FBXO42: variants seen among roughly 807,000 people sequenced by gnomAD.
The protein encoded by FBXO42 is F-box only protein 42.
Under a neutral mutation model 71.7 loss-of-function variants are expected in FBXO42, and 12 were observed. That is an observed-to-expected ratio of 0.17 (90% confidence interval 0.11 to 0.27). The LOEUF is 0.27. FBXO42 is among the 10% of genes least tolerant of loss of function. FBXO42 has a pLI of 1.00. For missense variants in FBXO42, 707 were observed against 911.9 expected, an observed-to-expected ratio of 0.78 and a Z score of 2.89; for synonymous variants, 325 against 327.5, an observed-to-expected ratio of 0.99 and a Z score of 0.08.
At chr1:16,335,063 CAAAAAAAAAAAAAA>C (rs55983316) in intron 1 of FBXO42, among the ~76,000 whole-genome samples, 4 of 69,024 alleles carry the variant, frequency 5.8e-5, no homozygotes, top group South Asian at 6.5e-4. Flanking sequence ...CTCGTCTGTA[CAAAAAAAAAAAAAA>C]AAAAAAAAAA....
In FBXO42 at chr1:16,315,143, ATAAACCTTTCTCC is replaced by A; in HGVS notation, c.250+13_250+25del. 1 of 1,563,404 alleles carries A rather than the reference ATAAACCTTTCTCC, an allele frequency of 6.4e-7. No individual in the cohort carries two copies. The highest frequency in any genetic ancestry group is 1.4e-5 in the African/African-American group (1 of 72,952). On this transcript the variant is annotated intron_variant, in intron 2 of 9. Transcript: ENST00000375592. Reference sequence around the variant, plus strand: ...AATCAGTGAAATTTGAAATCAATAAATAAACCTTTCTCCTATCCACAGTACCTTTGATAAGTCG... The same window carrying A: ...AATCAGTGAAATTTGAAATCAATAAATATCCACAGTACCTTTGATAAGTCG...
chr1:16,348,269 T>C (rs998568645), intron 1 of FBXO42, among the ~76,000 whole-genome samples: 1 of 152,028 alleles, frequency 6.6e-6, no homozygotes, highest in South Asian at 2.1e-4. Flanking sequence ...AAATTCGAAG[T>C]TTTTGCAATA....
chr1:16,347,114 T>G (rs1360272474), intron 1 of FBXO42, among the ~76,000 whole-genome samples: 1 of 152,146 alleles, frequency 6.6e-6, no homozygotes, highest in African/African-American at 2.4e-5. Flanking sequence ...CAGATTTATA[T>G]AGTGTACATA....
chr1:16,266,147 A>T (rs1471751377), intron 4 of FBXO42, among the ~76,000 whole-genome samples: 1 of 152,204 alleles, frequency 6.6e-6, no homozygotes, highest in Non-Finnish European at 1.5e-5. Context: ...CCCCACGGAA[A>T]ATGGCTATTT....
At chr1:16,315,603 G>A (rs1298823682) in intron 1 of FBXO42, among the ~76,000 whole-genome samples, 168 bp from the exon 2 acceptor site, 1 of 152,164 alleles carries the variant, frequency 6.6e-6, no homozygotes, top group East Asian at 1.9e-4. Flanking sequence ...GACAGGTACA[G>A]CTCAAATACC....
chr1:16,310,193 C>CAA (rs558283325), intron 2 of FBXO42, among the ~76,000 whole-genome samples: 9,616 of 90,872 alleles, frequency 0.11, 528 homozygotes, highest in Non-Finnish European at 0.16. Flanking sequence ...GACTCCATCT[C>CAA]AAAAAAAAAA....
intron 4 of FBXO42, among the ~76,000 whole-genome samples, chr1:16,265,386 C>T (rs905605514): frequency 2.0e-5 from 3 of 152,002 alleles, no homozygotes; most frequent in Non-Finnish European, 4.4e-5. Flanking sequence ...CTACCGTGCC[C>T]GGCCTAAAAA....
rs565571204 is a variant in FBXO42, at chr1:16,305,997, GTTT to G, written c.251-81_251-79del. On this transcript the variant is annotated intron_variant, in intron 2 of 9. Transcript: ENST00000375592. ...ATTATTAAAACTGTGTCTATTACCTGTTTTTATCATTTTTATACAAGTTTCTTT... is the reference window on the plus strand; with the variant it reads ...ATTATTAAAACTGTGTCTATTACCTGTTATCATTTTTATACAAGTTTCTTT... The G allele has an allele frequency of 6.4e-5, 62 of 969,668 alleles. No homozygotes were observed. The African/African-American group carries it at 9.4e-4, about 15-fold the overall frequency. The allele number at this position is 969,668 out of a possible 1,614,324, so 60.1% of individuals were successfully genotyped here. A position where few individuals can be genotyped will look rare whatever the true frequency, so the allele number is the denominator to read the frequency against.
intron 4 of FBXO42, among the ~76,000 whole-genome samples, chr1:16,265,228 G>A (rs2081758369): frequency 6.6e-6 from 1 of 152,052 alleles, no homozygotes; most frequent in Non-Finnish European, 1.5e-5. Flanking sequence ...CGAGTAGCTG[G>A]GATTACAGGC....
chr1:16,330,367 T>A (rs1468757002), intron 1 of FBXO42, among the ~76,000 whole-genome samples: 2 of 147,288 alleles, frequency 1.4e-5, no homozygotes, highest in Middle Eastern at 3.5e-3. Context: ...ACAAAAAAAA[T>A]TTAAAAATTA....
intron 3 of FBXO42, among the ~76,000 whole-genome samples, chr1:16,304,894 A>G (rs2082233574): frequency 6.6e-6 from 1 of 152,122 alleles, no homozygotes; most frequent in East Asian, 1.9e-4. Context: ...ATTTGAACCC[A>G]AGAGGTGGAG....
At chr1:16,255,908 A>AGGATT in intron 5 of FBXO42, 87 bp from the exon 6 acceptor site, 1 of 880,436 alleles carries the variant, frequency 1.1e-6, no homozygotes, top group Non-Finnish European at 1.8e-6. Context: ...TTAAAATGAT[A>AGGATT]ATCCTATCAC....
intron 2 of FBXO42, among the ~76,000 whole-genome samples, chr1:16,310,862 T>TA (rs2082305458): frequency 2.0e-5 from 3 of 151,566 alleles, no homozygotes; most frequent in Admixed American, 2.0e-4. Flanking sequence ...CTGTCTCTGC[T>TA]AAAAATACAA....
At chr1:16,311,189 A>G (rs1042229789) in intron 2 of FBXO42, among the ~76,000 whole-genome samples, 8 of 149,262 alleles carry the variant, frequency 5.4e-5, no homozygotes, top group East Asian at 1.9e-4. Flanking sequence ...AAAAAAAAAA[A>G]AGGGGGTCAA....
At chr1:16,349,058 A>AT (rs1181011479) in intron 1 of FBXO42, among the ~76,000 whole-genome samples, 2 of 152,178 alleles carry the variant, frequency 1.3e-5, no homozygotes, top group Non-Finnish European at 2.9e-5. Flanking sequence ...AGACTGCTGG[A>AT]TTTTTGAGAA....
intron 1 of FBXO42, among the ~76,000 whole-genome samples, chr1:16,338,550 C>T (rs1316217236): frequency 6.6e-6 from 1 of 151,970 alleles, no homozygotes; most frequent in Non-Finnish European, 1.5e-5. Flanking sequence ...CTGACTCTAG[C>T]CTTTTGCCTC....
intron 4 of FBXO42, among the ~76,000 whole-genome samples, chr1:16,290,721 T>G (rs769351496): frequency 6.6e-6 from 1 of 151,548 alleles, no homozygotes; most frequent in Non-Finnish European, 1.5e-5. Flanking sequence ...CAGAGCTCAC[T>G]CTCTGCTACA....
chr1:16,326,399 T>G (rs192695478), intron 1 of FBXO42, among the ~76,000 whole-genome samples: 8 of 151,120 alleles, frequency 5.3e-5, no homozygotes, highest in African/African-American at 1.9e-4. Context: ...AATTTCTTCT[T>G]GAGGCCAGGT....
intron 2 of FBXO42, 50 bp from the exon 3 acceptor site, chr1:16,305,969 C>G (rs1008613196): frequency 8.0e-7 from 1 of 1,249,858 alleles, no homozygotes; most frequent in African/African-American, 1.5e-5. Context: ...ACTTATCCAT[C>G]AAATTATTAA....
Sources: gnomAD v4.1 joint callset for allele counts (sites outside exome capture counted in the v4.1 genomes callset) on GRCh38, gnomAD v4.1.1 for gene constraint, MANE v1.5 for transcripts, NCBI Gene and HGNC (gene_info 2026-07-23, HGNC 2026-07-21) for gene names.